The following HAL variants were observed in gnomAD, a reference collection of about 807,000 sequenced individuals.
The protein encoded by HAL is histidine ammonia-lyase.
Under a neutral mutation model 81.1 loss-of-function variants are expected in HAL, and 85 were observed. The ratio of observed to expected loss-of-function variants is 1.05; its 90% confidence interval spans 0.88 to 1.25. The LOEUF is 1.25. HAL is among the 50% of genes most tolerant of loss of function. The probability of loss-of-function intolerance (pLI) is 0.00; values close to 1 mark genes in which losing one functional copy is unlikely to be tolerated. For missense variants in HAL, 798 were observed against 836.6 expected (o/e 0.95, Z 0.57); for synonymous variants, 301 against 309.2 (o/e 0.97, Z 0.28).
intron 2 of HAL, 55 bp from the exon 3 acceptor site, chr12:95,995,048 C>T (rs1033230045): frequency 6.0e-6 from 8 of 1,329,976 alleles, no homozygotes; most frequent in African/African-American, 1.4e-5. Flanking sequence ...CCATGTTCCC[C>T]CTGTTAAACC....
intron 9 of HAL, among the ~76,000 whole-genome samples, chr12:95,992,168 C>T (rs1949978291): frequency 1.3e-5 from 2 of 152,212 alleles, no homozygotes; most frequent in African/African-American, 4.8e-5. Context: ...CACTACATGG[C>T]TTCTTGATTA....
Position 95,995,667 on chromosome 12 carries a change from C to T in HAL, c.244G>A (p.Val82Met). ...GCCCTCTCCTGCAGCCACTCACCCACTTCCACGAACTCGTTGTTCTCTAGG... is the reference window on the plus strand; with the variant it reads ...GCCCTCTCCTGCAGCCACTCACCCATTTCCACGAACTCGTTGTTCTCTAGG... ...VALENNEFVEVVIEGDAMSPD... is the reference protein window; with the variant it reads ...VALENNEFVEMVIEGDAMSPD... Residue 82 changes from valine to methionine, a missense_variant, in exon 2 of 21, where the codon GTG becomes ATG. Coordinates refer to ENST00000261208, the MANE Select transcript of HAL (RefSeq NM_002108.4). 1 of 1,613,378 alleles carries T rather than the reference C, an allele frequency of 6.2e-7. No individual in the cohort carries two copies. The highest frequency in any genetic ancestry group is 8.5e-7 in the Non-Finnish European group (1 of 1,180,038).
Position 95,974,030 on chromosome 12 carries a change from T to C in HAL, c.*202A>G. 1 of 635,668 alleles carries C rather than the reference T, an allele frequency of 1.6e-6. No individual in the cohort carries two copies. 39.4% of individuals were successfully genotyped at this position (635,668 alleles called of 1,614,324 possible). On this transcript the variant is annotated 3_prime_UTR_variant, in exon 21 of 21. Transcript: ENST00000261208. ...TTATAATCTGAAAATACCTGGTGGG[T>C]CTTGAACCACGACAACAGGAACACA...
At chr12:95,985,537 C>A (rs1009804307) in intron 14 of HAL, among the ~76,000 whole-genome samples, 1 of 143,928 alleles carries the variant, frequency 6.9e-6, no homozygotes, top group Admixed American at 7.3e-5. Context: ...TTGTAGTGAA[C>A]AGAGATCATG....
chr12:95,988,560 C>T lies in HAL; in HGVS notation c.856-320G>A, dbSNP rs1306244405. Among the ~76,000 whole-genome samples, 6 of 152,316 alleles carry T rather than the reference C, an allele frequency of 3.9e-5. No homozygotes were observed. In the East Asian group the frequency reaches 1.2e-3, roughly 29 times the overall value. ...AGCAGTTCACCTTTTTTACCACTGC[C>T]TCCTGACATGCAGGCATCTGACACA... On this transcript the variant is annotated intron_variant, in intron 10 of 20. Transcript: ENST00000261208.
chr12:95,974,779 G>A (rs561103307), intron 20 of HAL, among the ~76,000 whole-genome samples: 14 of 151,614 alleles, frequency 9.2e-5, no homozygotes, highest in African/African-American at 2.9e-4. Flanking sequence ...TCACTCTGTC[G>A]CCCAGGCTGG....
chr12:95,978,953 T>C (rs2080759029), intron 17 of HAL, among the ~76,000 whole-genome samples: 1 of 152,192 alleles, frequency 6.6e-6, no homozygotes, highest in Non-Finnish European at 1.5e-5. Context: ...GTCAAGGTCA[T>C]GTTGGTTGGC....
intron 8 of HAL, 148 bp downstream of exon 8, chr12:95,993,303 T>C (rs771199501): frequency 3.4e-5 from 25 of 724,666 alleles, no homozygotes; most frequent in Admixed American, 4.0e-5. Flanking sequence ...TGATTCTTTC[T>C]GCATCCCTTC....
intron 15 of HAL, among the ~76,000 whole-genome samples, chr12:95,981,788 T>C (rs1219055428): frequency 1.3e-5 from 2 of 152,198 alleles, no homozygotes; most frequent in Admixed American, 6.5e-5. Context: ...TCATGCACTT[T>C]ACTTAAACCA....
chr12:95,992,875 C>T (rs1325658320), intron 8 of HAL, 70 bp from the exon 9 acceptor site: 14 of 1,420,602 alleles, frequency 9.9e-6, no homozygotes, highest in Non-Finnish European at 1.3e-5. Flanking sequence ...ATTGCCCTCC[C>T]TCCCTCCAAT....
chr12:95,978,521 A>G (rs1280598328), intron 17 of HAL, among the ~76,000 whole-genome samples: 1 of 152,196 alleles, frequency 6.6e-6, no homozygotes, highest in Non-Finnish European at 1.5e-5. Context: ...CAGAGTGTTC[A>G]AGGATGACAT....
In HAL at chr12:95,974,146, G is replaced by C. The variant is rs2080686891; in HGVS notation, c.*86C>G. ...TGATACAATGGATTGATCTACCTAG[G>C]AAAGTTCTCAGGTCTCTCCTTCAGC... On this transcript the variant is annotated 3_prime_UTR_variant, in exon 21 of 21. Transcript: ENST00000261208. The C allele has an allele frequency of 8.4e-7, 1 of 1,185,562 alleles. No individual in the cohort carries two copies. Among genetic ancestry groups the C allele is most frequent in the Non-Finnish European group, 1.3e-6 (1 of 789,272 alleles). 73.4% of individuals were successfully genotyped at this position (1,185,562 alleles called of 1,614,324 possible).
At chr12:95,984,988 TCTAA>T (rs973338124) in intron 14 of HAL, among the ~76,000 whole-genome samples, 8 of 152,346 alleles carry the variant, frequency 5.3e-5, no homozygotes, top group African/African-American at 1.9e-4. Context: ...TGACTGGCTC[TCTAA>T]CTGTCATATG....
intron 5 of HAL, 41 bp from the exon 6 acceptor site, chr12:95,994,039 C>T: frequency 6.3e-7 from 1 of 1,594,682 alleles, no homozygotes; most frequent in Non-Finnish European, 8.6e-7. Context: ...TTAAAGACTT[C>T]CACGGGCAAC....
Position 95,973,930 on chromosome 12 carries a change from C to T in HAL, c.*302G>A, listed in dbSNP as rs968839710. On this transcript the variant is annotated 3_prime_UTR_variant, in exon 21 of 21. Transcript: ENST00000261208. ...TAATGCTAAGAGTAAAAAACAGGCACATACAATTGTGGTTATTCTTCTCAC... is the reference window on the plus strand; with the variant it reads ...TAATGCTAAGAGTAAAAAACAGGCATATACAATTGTGGTTATTCTTCTCAC... 1.0e-4 allele frequency: 33 copies of T among 327,104 alleles called. No individual in the cohort carries two copies. Among genetic ancestry groups the T allele is most frequent in the African/African-American group, 6.2e-4 (30 of 48,380 alleles). The allele number at this position is 327,104 out of a possible 1,614,324, so 20.3% of individuals were successfully genotyped here.
At chr12:95,984,793 C>T (rs1281022776) in intron 14 of HAL, among the ~76,000 whole-genome samples, 1 of 152,218 alleles carries the variant, frequency 6.6e-6, no homozygotes. Flanking sequence ...TACATCAGGA[C>T]TTAATCTTCC....
chr12:95,995,549 G>C, intron 2 of HAL, 115 bp downstream of exon 2: 2 of 1,442,438 alleles, frequency 1.4e-6, no homozygotes. Flanking sequence ...CACAGGGCCA[G>C]CCTCGGCAAG....
intron 14 of HAL, among the ~76,000 whole-genome samples, chr12:95,985,705 T>C (rs1392038974): frequency 6.7e-6 from 1 of 148,444 alleles, no homozygotes; most frequent in African/African-American, 2.5e-5. Flanking sequence ...GTTCACCATA[T>C]AGAATAGAAA....
In HAL at chr12:95,996,206, C is replaced by G; in HGVS notation, c.-210G>C. 2.4e-6 allele frequency: 1 copy of G among 424,482 alleles called. No homozygotes were observed. Among genetic ancestry groups the G allele is most frequent in the South Asian group, 2.3e-5 (1 of 43,584 alleles). 26.3% of individuals were successfully genotyped at this position (424,482 alleles called of 1,614,324 possible). ...CTGGGGTCTCCCACCCTGGGAGGTG[C>G]TGTTCTTGTCCCTGATGGCACCTAC... On this transcript the variant is annotated 5_prime_UTR_variant, in exon 1 of 21. Coordinates refer to ENST00000261208, the MANE Select transcript of HAL (RefSeq NM_002108.4).
Sources: allele counts gnomAD v4.1 joint callset (sites outside exome capture counted in the v4.1 genomes callset), GRCh38; gene constraint gnomAD v4.1.1; transcripts MANE v1.5; gene names NCBI Gene and HGNC (gene_info 2026-07-23, HGNC 2026-07-21).